Variants in TLN1 observed in about 807,000 individuals in gnomAD.
TLN1 encodes talin-1.
Under a neutral mutation model 292.3 loss-of-function variants are expected in TLN1, and 56 were observed. The ratio of observed to expected loss-of-function variants is 0.19; its 90% CI spans 0.15 to 0.24. TLN1 has a LOEUF of 0.24. Among genes scored for constraint, TLN1 ranks in the 10% least tolerant of loss-of-function variants. TLN1 has a pLI of 1.00. For missense variants in TLN1, 2,433 were observed against 3,248.2 expected (o/e 0.75, Z 6.10); for synonymous variants, 1,119 against 1,253.7 (o/e 0.89, Z 2.27).
Position 35,714,049 on chromosome 9 carries a change from A to T in TLN1, c.3153T>A (p.Asp1051Glu), listed in dbSNP as rs139378393. Residue 1051 changes from aspartate to glutamate, a missense_variant, in exon 25 of 57, where the codon GAT (aspartate) becomes GAA (glutamate). Transcript: ENST00000314888. The surrounding 1 kb of genome is among the most constrained non-coding windows in gnomAD (Gnocchi z 4.6). Reference protein sequence around the residue: ...AQEACGPLEMDSALSVVQNLE... With the variant: ...AQEACGPLEMESALSVVQNLE... Reference sequence around the variant, plus strand: ...GATTCTGTACCACACTCAGTGCAGAATCCATCTCCAAAGGTCCACATGCTT... The same window carrying T: ...GATTCTGTACCACACTCAGTGCAGATTCCATCTCCAAAGGTCCACATGCTT... 2.5e-5 allele frequency: 41 copies of T among 1,614,212 alleles called. No homozygotes were observed. In the African/African-American group the frequency reaches 5.2e-4, roughly 20 times the overall value.
At chr9:35,701,193 A>AG (rs1563938193) in intron 48 of TLN1, among the ~76,000 whole-genome samples, 1 of 152,182 alleles carries the variant, frequency 6.6e-6, no homozygotes, top group Non-Finnish European at 1.5e-5. Flanking sequence ...CTGATGGTGC[A>AG]GGGGGATGGG....
At position 35,722,905 on chromosome 9, in the gene TLN1, G is replaced by C. The variant is rs747725273; in HGVS notation, c.799C>G (p.Pro267Ala). The C allele has an allele frequency of 5.6e-6, 9 of 1,613,830 alleles. No individual in the cohort carries two copies. Among genetic ancestry groups the C allele is most frequent in the Non-Finnish European group, 6.8e-6 (8 of 1,179,904 alleles). The change falls in exon 8 of 57, where the codon CCC becomes GCC. Residue 267 changes from proline (P) to alanine (A), a missense_variant. Pro to Ala is a conservative substitution (Grantham distance 27). Transcript: ENST00000314888. ...CCCTTCTGCTTCACATACTCCTTGG[G>C]CAGGAAGTCCTTCAGGCTACACCAG... ...AGFLDLKDFL[P>A]KEYVKQKGER...
In TLN1 at chr9:35,717,808, C is replaced by T; in HGVS notation, c.1996-22G>A. ...CATCCTGTGAGAAAACAGCAGTTAG[C>T]ATGACCTGAGATTGGGCTTGGGATT... On this transcript the variant is annotated intron_variant, in intron 17 of 56. Coordinates refer to ENST00000314888, the MANE Select transcript of TLN1 (RefSeq NM_006289.4). This position sits in a 1 kb window ranked among gnomAD's most constrained non-coding sequence, Gnocchi z 4.7. 1 of 1,585,810 alleles carries T rather than the reference C, an allele frequency of 6.3e-7. No homozygotes were observed. Among genetic ancestry groups the T allele is most frequent in the South Asian group, 1.1e-5 (1 of 89,704 alleles).
Position 35,717,207 on chromosome 9 carries a change from G to A in TLN1, c.2397C>T (p.Asp799=). The A allele has an allele frequency of 6.2e-7, 1 of 1,613,966 alleles. No individual in the cohort carries two copies. Residue 799 remains aspartate, a synonymous_variant, in exon 19 of 57, where the codon GAC becomes GAT. Transcript: ENST00000314888. The surrounding 1 kb of genome is among the most constrained non-coding windows in gnomAD (Gnocchi z 4.7). ...ATGAGPAGRY[D]QATDTILTVT... is the part of the protein sequence containing the mutation. ...CGGTTAGGATGGTGTCAGTAGCCTG[G>A]TCATAACGGCCAGCAGGCCCAGCCC...
rs1825562793 is a variant in TLN1, at chr9:35,706,201, G to T, written c.5356C>A (p.Pro1786Thr). ...LYTAKEAGGN[P>T]KQAAHTQEAL... ...TCCCTCCCAACCCTCAATACCTTTG[G>T]GTTACCACCAGCCTCCTTGGCAGTG... Residue 1786 changes from proline (P) to threonine (T), a missense_variant, in exon 40 of 57, where the codon CCA becomes ACA. Physicochemically the swap from Pro to Thr is conservative, Grantham distance 38 (BLOSUM62 -1). Coordinates refer to ENST00000314888, the MANE Select transcript of TLN1 (RefSeq NM_006289.4). This position sits in a 1 kb window ranked among gnomAD's most constrained non-coding sequence, Gnocchi z 4.2. The T allele has an allele frequency of 6.2e-7, 1 of 1,608,140 alleles. No individual in the cohort carries two copies. Among genetic ancestry groups the T allele is most frequent in the Non-Finnish European group, 8.5e-7 (1 of 1,176,668 alleles).
In TLN1 at chr9:35,725,259, C is replaced by T; in HGVS notation, c.193G>A (p.Gly65Arg). 1.2e-6 allele frequency: 2 copies of T among 1,614,126 alleles called. No individual in the cohort carries two copies. The highest frequency in any genetic ancestry group is 1.7e-6 in the Non-Finnish European group (2 of 1,180,026). ...AGCATGTAGTAGTCCAAAGCTTTCC[C>T]AGCCTCCAGCCATATACCCTTTTTG... is the stretch of plus-strand genomic sequence containing the variant. ...DPKKGIWLEAGKALDYYMLRN... is the reference protein window; with the variant it reads ...DPKKGIWLEARKALDYYMLRN... The change falls in exon 3 of 57, where the codon GGG (glycine) becomes AGG (arginine). Residue 65 changes from glycine to arginine, a missense_variant. By Grantham distance (125) the Gly-to-Arg change is moderately radical. This residue lies in a region of TLN1 where 155 missense variants were observed against 287.9 expected (regional missense o/e 0.54). Coordinates refer to ENST00000314888, the MANE Select transcript of TLN1 (RefSeq NM_006289.4).
chr9:35,718,934 G>A (rs1563945322), intron 16 of TLN1, 24 bp from the exon 17 acceptor site: 1 of 1,608,576 alleles, frequency 6.2e-7, no homozygotes. Context: ...ACACCAGTCA[G>A]AAGCTGCCCA....
In TLN1 at chr9:35,699,774, G is replaced by A. The variant is rs537750430; in HGVS notation, c.6768+200C>T. The stretch of plus-strand genomic sequence containing the variant: ...GAAAAGAAAAAGAGGAAGAGGAAGA[G>A]GTGACTGGGAGAACCAAAGATGATA... On this transcript the variant is annotated intron_variant, in intron 50 of 56. Transcript: ENST00000314888. This position sits in a 1 kb window ranked among gnomAD's most constrained non-coding sequence, Gnocchi z 4.0. The A allele has an allele frequency of 1.2e-6, 1 of 835,296 alleles. No homozygotes were observed. The highest frequency in any genetic ancestry group is 1.2e-4 in the East Asian group (1 of 8,080). 51.7% of individuals were successfully genotyped at this position (835,296 alleles called of 1,614,324 possible).
Position 35,697,420 on chromosome 9 carries a change from G to A in TLN1, c.*371C>T. Reference sequence around the variant, plus strand: ...CCCCTATGGGTAGCTGGGGGTGGGGGAAGATAGTATCAAAAAACGGTGAAG... The same window carrying A: ...CCCCTATGGGTAGCTGGGGGTGGGGAAAGATAGTATCAAAAAACGGTGAAG... On this transcript the variant is annotated 3_prime_UTR_variant, in exon 57 of 57. Transcript: ENST00000314888. 1 of 241,486 alleles carries A rather than the reference G, an allele frequency of 4.1e-6. No homozygotes were observed. The highest frequency in any genetic ancestry group is 8.1e-6 in the Non-Finnish European group (1 of 123,500). 15.0% of individuals were successfully genotyped at this position (241,486 alleles called of 1,614,324 possible).
At position 35,704,351 on chromosome 9, in the gene TLN1, C is replaced by T. The variant is rs938264529; in HGVS notation, c.6028G>A (p.Glu2010Lys). 1.6e-5 allele frequency: 26 copies of T among 1,613,580 alleles called. No individual in the cohort carries two copies. The highest frequency in any genetic ancestry group is 2.2e-5 in the Non-Finnish European group (26 of 1,179,790). ...TAGTLNREGTETFADHREGIL... is the reference protein window; with the variant it reads ...TAGTLNREGTKTFADHREGIL... ...TCTTACCGGTGGTCAGCGAAAGTTT[C>T]AGTACCCTCACGATTGAGCGTGCCA... Residue 2010 changes from glutamate to lysine, a missense_variant, in exon 45 of 57, where the codon GAA (glutamate) becomes AAA (lysine). Physicochemically the swap from Glu to Lys is moderately conservative, Grantham distance 56 (BLOSUM62 1). Transcript: ENST00000314888. The surrounding 1 kb of genome is among the most constrained non-coding windows in gnomAD (Gnocchi z 6.9).
In TLN1 at chr9:35,697,197, G is replaced by C. The variant is rs566001170; in HGVS notation, c.*594C>G. 33 of 152,846 alleles carry C rather than the reference G, an allele frequency of 2.2e-4. No homozygotes were observed. The highest frequency in any genetic ancestry group is 7.5e-4 in the African/African-American group (31 of 41,578). 9.5% of individuals were successfully genotyped at this position (152,846 alleles called of 1,614,324 possible). ...TAACTTTAGGGTCCGGGTGCAAGGA[G>C]GAAGGGACCTCAGGTGCAGACTGCC... On this transcript the variant is annotated 3_prime_UTR_variant, in exon 57 of 57. Transcript: ENST00000314888.
Position 35,704,938 on chromosome 9 carries a change from AGAAGGTTCCCAGCACAAGGAC to A in TLN1, c.5734-144_5734-124del. 8.2e-7 allele frequency: 1 copy of A among 1,216,802 alleles called. No individual in the cohort carries two copies. Among genetic ancestry groups the A allele is most frequent in the Non-Finnish European group, 1.1e-6 (1 of 881,648 alleles). The allele number at this position is 1,216,802 out of a possible 1,614,324, so 75.4% of individuals were successfully genotyped here. On this transcript the variant is annotated intron_variant, in intron 43 of 56. Transcript: ENST00000314888. This position sits in a 1 kb window ranked among gnomAD's most constrained non-coding sequence, Gnocchi z 6.9. ...CATTGTAGACTAAAGAAGCAGAGAG[AGAAGGTTCCCAGCACAAGGAC>A]GTTTCCGGTTGCATATCCTTTAGGC...
At position 35,706,769 on chromosome 9, in the gene TLN1, T is replaced by A. The variant is rs1825572339; in HGVS notation, c.5087A>T (p.Glu1696Val). 1.2e-6 allele frequency: 2 copies of A among 1,613,556 alleles called. No individual in the cohort carries two copies. Among genetic ancestry groups the A allele is most frequent in the East Asian group, 4.5e-5 (2 of 44,880 alleles). Residue 1696 changes from glutamate to valine, a missense_variant and splice_region_variant, in exon 38 of 57, where the codon GAG becomes GTG. By Grantham distance (121) the Glu-to-Val change is moderately radical. Coordinates refer to ENST00000314888, the MANE Select transcript of TLN1 (RefSeq NM_006289.4). The surrounding 1 kb of genome is among the most constrained non-coding windows in gnomAD (Gnocchi z 4.2). Reference protein sequence around the residue: ...QLAPREGISQEALHTQMLTAV... With the variant: ...QLAPREGISQVALHTQMLTAV... ...TCCATATAACCCTCTCCCTCTCACC[T>A]CTTGAGAGATTCCCTCACGGGGAGC...
At chr9:35,710,179 C>T (rs533176471) in intron 33 of TLN1, among the ~76,000 whole-genome samples, 3 of 144,704 alleles carry the variant, frequency 2.1e-5, no homozygotes, top group African/African-American at 5.2e-5. Context: ...GCCTAGATCA[C>T]GCCATTGCAC....
rs1380670159 is a variant in TLN1 at position 35,714,576 on chromosome 9, G to C, written c.2983C>G (p.Gln995Glu). The stretch of plus-strand genomic sequence containing the variant: ...GAAGTGCAGAGGGGGTGCCTTGCCT[G>C]CAGGAAGCTCTGGCTGGCAGCAATG... Reference protein sequence around the residue: ...ALIAASQSFLQPGGKMVAAAK... With the variant: ...ALIAASQSFLEPGGKMVAAAK... The change falls in exon 23 of 57, where the codon CAG becomes GAG. Residue 995 changes from glutamine to glutamate, a missense_variant and splice_region_variant. Gln to Glu is a conservative substitution (Grantham distance 29). Transcript: ENST00000314888. This position sits in a 1 kb window ranked among gnomAD's most constrained non-coding sequence, Gnocchi z 4.6. 1 of 1,609,630 alleles carries C rather than the reference G, an allele frequency of 6.2e-7. No homozygotes were observed. The highest frequency in any genetic ancestry group is 1.7e-5 in the Admixed American group (1 of 60,020).
In TLN1 at chr9:35,704,537, C is replaced by T; in HGVS notation, c.5881-39G>A. ...GTCACATGGTGACTGTGGAAGGTGC[C>T]ATGTGAAATGGAAAGGTTGCCCATG... On this transcript the variant is annotated intron_variant, in intron 44 of 56. Transcript: ENST00000314888. This position sits in a 1 kb window ranked among gnomAD's most constrained non-coding sequence, Gnocchi z 6.9. The T allele has an allele frequency of 1.3e-6, 2 of 1,585,304 alleles. No individual in the cohort carries two copies. Among genetic ancestry groups the T allele is most frequent in the Non-Finnish European group, 1.7e-6 (2 of 1,163,956 alleles).
In TLN1 at chr9:35,725,094, A is replaced by T. The variant is rs1470315502; in HGVS notation, c.228+130T>A. On this transcript the variant is annotated intron_variant, in intron 3 of 56. Transcript: ENST00000314888. The stretch of plus-strand genomic sequence containing the variant: ...GTTCGTTCAAAAGCAGGGAATTATG[A>T]CTGTCTGTTAATAGGAAGAAAGCAT... 3 of 1,537,364 alleles carry T rather than the reference A, an allele frequency of 2.0e-6. No homozygotes were observed. In the East Asian group the frequency reaches 6.8e-5, roughly 35 times the overall value.
chr9:35,729,957 G>GGTTGTAGAAAAAGGATGAGAAGACAT lies in TLN1; in HGVS notation c.-34+2117_-34+2118insATGTCTTCTCATCCTTTTTCTACAAC, dbSNP rs1587993365. 2.0e-5 allele frequency among the ~76,000 whole-genome samples: 3 copies of GGTTGTAGAAAAAGGATGAGAAGACAT among 151,406 alleles called. No individual in the cohort carries two copies. The East Asian group carries it at 5.8e-4, about 29-fold the overall frequency. ...CATCAGGCTGGGAATGGGGAAGACA[G>GGTTGTAGAAAAAGGATGAGAAGACAT]GGTGTAGAAAAAGGATGAGAAGACA... is the stretch of plus-strand genomic sequence containing the variant. On this transcript the variant is annotated intron_variant, in intron 1 of 56. Transcript: ENST00000314888.
At chr9:35,711,493 G>C in intron 29 of TLN1, 99 bp from the exon 30 acceptor site, 4 of 1,603,238 alleles carry the variant, frequency 2.5e-6, no homozygotes, top group East Asian at 2.2e-5. Flanking sequence ...CTAGAGACTG[G>C]GGAGGGAAGG....
Sources: gnomAD v4.1 joint callset for allele counts (sites outside exome capture counted in the v4.1 genomes callset) on GRCh38, gnomAD v4.1.1 for gene constraint, gnomAD v4.1.1 regional missense constraint, Gnocchi (gnomAD v3.1) non-coding constraint, MANE v1.5 for transcripts, NCBI Gene and HGNC (gene_info 2026-07-23, HGNC 2026-07-21) for gene names.